GRM1: variants seen among roughly 807,000 people sequenced by gnomAD.
The protein encoded by GRM1 is glutamate metabotropic receptor 1.
Under a neutral mutation model 90.9 loss-of-function variants are expected in GRM1, and 33 were observed. The observed-to-expected ratio is 0.36, with a 90% CI of 0.28 to 0.49. The LOEUF is 0.49. GRM1 is among the 20% of genes least tolerant of loss of function. The probability of loss-of-function intolerance (pLI) is 0.99; values close to 1 mark genes in which losing one functional copy is unlikely to be tolerated. For synonymous variants in GRM1, 700 were observed against 613.2 expected (o/e 1.14, Z -2.09); for missense variants, 1,190 against 1,534.3 (o/e 0.78, Z 3.75).
chr6:146,374,758 C>CT (rs1045336265), intron 5 of GRM1, among the ~76,000 whole-genome samples: 1 of 151,966 alleles, frequency 6.6e-6, no homozygotes, highest in Non-Finnish European at 1.5e-5. Flanking sequence ...GATCTTCTCT[C>CT]TTTTTTTGTT....
At chr6:146,304,202 G>A (rs187192696) in intron 2 of GRM1, among the ~76,000 whole-genome samples, 24 of 152,234 alleles carry the variant, frequency 1.6e-4, no homozygotes, top group African/African-American at 5.8e-4. Flanking sequence ...TTGCAATGCT[G>A]AAACCTTGTT....
At chr6:146,077,545 G>T (rs1776229063) in intron 1 of GRM1, among the ~76,000 whole-genome samples, 1 of 152,194 alleles carries the variant, frequency 6.6e-6, no homozygotes, top group African/African-American at 2.4e-5. Flanking sequence ...GCACTAGCTG[G>T]ACTGAGCATC....
At chr6:146,279,440 G>T (rs535408009) in intron 2 of GRM1, among the ~76,000 whole-genome samples, 1 of 152,056 alleles carries the variant, frequency 6.6e-6, no homozygotes, top group East Asian at 1.9e-4. Flanking sequence ...TCTTTCATAT[G>T]CATTTAGAGA....
chr6:146,432,718 G>A (rs1050455054), intron 7 of GRM1, among the ~76,000 whole-genome samples: 7 of 152,128 alleles, frequency 4.6e-5, no homozygotes, highest in African/African-American at 1.4e-4. Flanking sequence ...GGATTCCACC[G>A]TTGTTATTAG....
At chr6:146,396,183 T>C (rs1250553186) in intron 6 of GRM1, among the ~76,000 whole-genome samples, 2 of 151,996 alleles carry the variant, frequency 1.3e-5, no homozygotes, top group Non-Finnish European at 2.9e-5. Flanking sequence ...TTAGGATTAG[T>C]ATGTGACTTT....
chr6:146,316,173 T>C (rs535931443), intron 3 of GRM1, among the ~76,000 whole-genome samples: 2 of 152,338 alleles, frequency 1.3e-5, no homozygotes, highest in East Asian at 3.9e-4. Flanking sequence ...CCTTGCTTTT[T>C]CTGGCTTTTA....
rs536095533 is a variant in GRM1 at position 146,419,581 on chromosome 6, T to C, written c.2661-14291T>C. ...TATGGAACTACCTGAGACTAGGTAA[T>C]TTATGAAGAAAAGAGGTCTAATTGA... On this transcript the variant is annotated intron_variant, in intron 7 of 7. Coordinates refer to ENST00000282753, the MANE Select transcript of GRM1 (RefSeq NM_001278064.2). Among the ~76,000 whole-genome samples, 8 of 152,264 alleles carry C rather than the reference T, an allele frequency of 5.3e-5. No individual in the cohort carries two copies. The East Asian group carries it at 1.5e-3, about 29-fold the overall frequency.
chr6:146,188,018 A>G lies in GRM1; in HGVS notation c.950+28421A>G, dbSNP rs191369416. Among the ~76,000 whole-genome samples the G allele has an allele frequency of 2.0e-5, 3 of 152,274 alleles. No homozygotes were observed. The East Asian group carries it at 5.8e-4, about 29-fold the overall frequency. ...CTGTGCAGAGAGCACTTTCTTTTTA[A>G]AACTAAGGTTCATTATGTTTATCTC... On this transcript the variant is annotated intron_variant, in intron 2 of 7. Coordinates refer to ENST00000282753, the MANE Select transcript of GRM1 (RefSeq NM_001278064.2).
intron 2 of GRM1, among the ~76,000 whole-genome samples, chr6:146,271,704 G>A (rs1259359061): frequency 6.6e-6 from 1 of 152,150 alleles, no homozygotes; most frequent in Admixed American, 6.5e-5. Context: ...GTAGAAAAGG[G>A]TGAAGAACAG....
intron 2 of GRM1, among the ~76,000 whole-genome samples, chr6:146,214,674 AGAGTT>A (rs1211203241): frequency 1.3e-5 from 2 of 152,220 alleles, no homozygotes; most frequent in Non-Finnish European, 2.9e-5. Flanking sequence ...GAAGAATAAT[AGAGTT>A]ATGTCCAAAA....
intron 7 of GRM1, among the ~76,000 whole-genome samples, chr6:146,403,837 A>C (rs1376816152): frequency 6.6e-6 from 1 of 152,142 alleles, no homozygotes. Context: ...TAATTGACAC[A>C]TAATAACTAT....
intron 5 of GRM1, among the ~76,000 whole-genome samples, chr6:146,382,748 G>A (rs1164501900): frequency 2.6e-5 from 4 of 152,080 alleles, no homozygotes; most frequent in Admixed American, 6.6e-5. Context: ...AGTTCTTTGA[G>A]TGACCTAATT....
At chr6:146,352,205 C>T in intron 3 of GRM1, 45 bp from the exon 4 acceptor site, 1 of 1,603,696 alleles carries the variant, frequency 6.2e-7, no homozygotes, top group African/African-American at 1.3e-5. Context: ...GGAGCCTAGT[C>T]TTTATCATTG....
intron 3 of GRM1, among the ~76,000 whole-genome samples, chr6:146,349,549 T>A (rs1039325217): frequency 1.3e-5 from 2 of 152,176 alleles, no homozygotes; most frequent in Non-Finnish European, 2.9e-5. Flanking sequence ...CATACCCACT[T>A]TTTCTTTCCT....
chr6:146,055,611 G>A (rs780450200), intron 1 of GRM1, among the ~76,000 whole-genome samples: 1 of 152,064 alleles, frequency 6.6e-6, no homozygotes, highest in Non-Finnish European at 1.5e-5. Flanking sequence ...GTTTGTGTTT[G>A]TGGGAACAGA....
At chr6:146,208,789 G>A (rs1422470011) in intron 2 of GRM1, among the ~76,000 whole-genome samples, 1 of 151,980 alleles carries the variant, frequency 6.6e-6, no homozygotes, top group Non-Finnish European at 1.5e-5. Flanking sequence ...ATTTTGTGTT[G>A]CAATTTTGAA....
intron 2 of GRM1, among the ~76,000 whole-genome samples, chr6:146,285,575 G>T (rs936754751): frequency 2.6e-5 from 4 of 152,044 alleles, no homozygotes; most frequent in Admixed American, 2.0e-4. Flanking sequence ...TTCATATTGT[G>T]CTCAGGAAGA....
At chr6:146,044,080 C>T (rs1226350407) in intron 1 of GRM1, among the ~76,000 whole-genome samples, 1 of 151,714 alleles carries the variant, frequency 6.6e-6, no homozygotes, top group African/African-American at 2.4e-5. Flanking sequence ...CTGCCATTTC[C>T]TTCTTAGTGC....
intron 2 of GRM1, among the ~76,000 whole-genome samples, chr6:146,220,749 G>C (rs564412299): frequency 2.6e-5 from 4 of 152,196 alleles, no homozygotes; most frequent in Admixed American, 1.3e-4. Flanking sequence ...TTACAGTAAA[G>C]GGGAAGGACA....
Sources: allele counts gnomAD v4.1 joint callset (sites outside exome capture counted in the v4.1 genomes callset), GRCh38; gene constraint gnomAD v4.1.1; transcripts MANE v1.5; gene names NCBI Gene and HGNC (gene_info 2026-07-23, HGNC 2026-07-21).